PEBP4: variants seen among roughly 807,000 people sequenced by gnomAD.
The protein encoded by PEBP4 is phosphatidylethanolamine-binding protein 4.
A neutral mutation model predicts 23.9 loss-of-function variants in PEBP4; 22 were observed. That is an observed-to-expected ratio of 0.92 (90% confidence interval 0.66 to 1.31). The LOEUF is 1.31. PEBP4 is among the 40% of genes most tolerant of loss of function. The pLI, the probability that PEBP4 is intolerant of heterozygous loss-of-function variation, is 0.00. For missense variants in PEBP4, 324 were observed against 281.7 expected (o/e 1.15, Z -1.07); for synonymous variants, 112 against 99.3 (o/e 1.13, Z -0.76).
At chr8:22,737,961 A>T (rs1804905697) in intron 4 of PEBP4, among the ~76,000 whole-genome samples, 1 of 152,036 alleles carries the variant, frequency 6.6e-6, no homozygotes, top group South Asian at 2.1e-4. Context: ...TAGACGGCGT[A>T]GGGGCTGAGG....
At chr8:22,927,349 C>T (rs948092359) in intron 2 of PEBP4, among the ~76,000 whole-genome samples, 1 of 152,154 alleles carries the variant, frequency 6.6e-6, no homozygotes, top group African/African-American at 2.4e-5. Context: ...ACCACATACA[C>T]AGCCCTCCTG....
chr8:22,934,713 T>C (rs1007026058), intron 1 of PEBP4, among the ~76,000 whole-genome samples: 2 of 152,132 alleles, frequency 1.3e-5, no homozygotes, highest in Admixed American at 1.3e-4. Flanking sequence ...AGCTAAAACA[T>C]ACAGAAAACA....
intron 4 of PEBP4, among the ~76,000 whole-genome samples, chr8:22,733,100 C>T (rs1804773158): frequency 6.6e-6 from 1 of 152,230 alleles, no homozygotes; most frequent in African/African-American, 2.4e-5. Flanking sequence ...TCCAGGCAAC[C>T]ATCCAACTGG....
At chr8:22,825,445 CAT>C (rs1353177746) in intron 3 of PEBP4, among the ~76,000 whole-genome samples, 1 of 152,338 alleles carries the variant, frequency 6.6e-6, no homozygotes, top group East Asian at 1.9e-4. Context: ...ATACTTGCCA[CAT>C]GTTTTCTTGC....
intron 4 of PEBP4, among the ~76,000 whole-genome samples, chr8:22,790,492 T>A (rs537898831): frequency 1.3e-5 from 2 of 152,052 alleles, no homozygotes; most frequent in South Asian, 4.1e-4. Flanking sequence ...GAGGAAGACA[T>A]CCCAGACAAG....
chr8:22,912,716 C>T (rs1808968476), intron 3 of PEBP4, among the ~76,000 whole-genome samples: 1 of 152,216 alleles, frequency 6.6e-6, no homozygotes, highest in South Asian at 2.1e-4. Flanking sequence ...GTTAGAAATG[C>T]TGACAATCCT....
intron 3 of PEBP4, among the ~76,000 whole-genome samples, chr8:22,840,668 T>C (rs78271159): frequency 7.9e-5 from 12 of 152,170 alleles, no homozygotes; most frequent in African/African-American, 2.7e-4. Flanking sequence ...GTTGGAAGAA[T>C]GTGGGGAAAA....
chr8:22,780,875 C>T (rs1027513461), intron 4 of PEBP4, among the ~76,000 whole-genome samples: 3 of 152,222 alleles, frequency 2.0e-5, no homozygotes, highest in African/African-American at 4.8e-5. Context: ...AGTGCTCCCA[C>T]GTGTTGCCCT....
chr8:22,912,137 G>C (rs1162534636), intron 3 of PEBP4, among the ~76,000 whole-genome samples: 1 of 152,222 alleles, frequency 6.6e-6, no homozygotes, highest in Non-Finnish European at 1.5e-5. Flanking sequence ...AGCCCTGGGA[G>C]TGAAGATTAA....
In PEBP4 at chr8:22,898,421, A is replaced by C. The variant is rs7820285; in HGVS notation, c.258+21763T>G. On this transcript the variant is annotated intron_variant, in intron 3 of 6. Transcript: ENST00000256404. ...AAAAAAAAAAAAAAAAAAAAAAAAA[A>C]AAAAAAAAAACCCACCCAGTCTATG... is the stretch of plus-strand genomic sequence containing the variant. Among the ~76,000 whole-genome samples the C allele has an allele frequency of 6.8e-4, 92 of 136,090 alleles. 3 individuals are homozygous for C. The highest frequency in any genetic ancestry group is 1.1e-3 in the African/African-American group (40 of 35,580). 89.3% of individuals were successfully genotyped at this position (136,090 alleles called of 152,430 possible).
chr8:22,742,431 G>A (rs1200217832), intron 4 of PEBP4, among the ~76,000 whole-genome samples: 2 of 152,194 alleles, frequency 1.3e-5, no homozygotes, highest in East Asian at 3.9e-4. Context: ...GCCCCCATCG[G>A]CCTGTGGTCC....
chr8:22,916,372 TC>T (rs1475670514), intron 3 of PEBP4, among the ~76,000 whole-genome samples: 4 of 152,148 alleles, frequency 2.6e-5, no homozygotes, highest in African/African-American at 9.7e-5. Flanking sequence ...TCCTCTTACT[TC>T]CACACCTCTC....
intron 3 of PEBP4, among the ~76,000 whole-genome samples, chr8:22,894,587 A>G (rs533333358): frequency 6.6e-6 from 1 of 152,234 alleles, no homozygotes. Flanking sequence ...GTCTCTAAAA[A>G]TAAAATAAAA....
At chr8:22,849,496 T>A (rs1184953236) in intron 3 of PEBP4, among the ~76,000 whole-genome samples, 1 of 152,138 alleles carries the variant, frequency 6.6e-6, no homozygotes, top group Non-Finnish European at 1.5e-5. Flanking sequence ...GCAGCCTTGG[T>A]TGAATCTGTG....
At chr8:22,878,492 C>T (rs1056615458) in intron 3 of PEBP4, among the ~76,000 whole-genome samples, 36 of 152,328 alleles carry the variant, frequency 2.4e-4, no homozygotes, top group Admixed American at 7.2e-4. Flanking sequence ...GTCAGTTTAC[C>T]TGACACACCA....
chr8:22,791,033 C>G (rs988253165), intron 4 of PEBP4, among the ~76,000 whole-genome samples: 1 of 152,156 alleles, frequency 6.6e-6, no homozygotes, highest in African/African-American at 2.4e-5. Flanking sequence ...AGCCACTACC[C>G]TTTGATAGGC....
At chr8:22,883,617 C>A (rs1435804488) in intron 3 of PEBP4, among the ~76,000 whole-genome samples, 1 of 152,168 alleles carries the variant, frequency 6.6e-6, no homozygotes, top group Non-Finnish European at 1.5e-5. Flanking sequence ...CGTCTTGAAC[C>A]TTGCGTGGTG....
intron 3 of PEBP4, among the ~76,000 whole-genome samples, chr8:22,829,373 C>T (rs1025032073): frequency 2.6e-5 from 4 of 152,166 alleles, no homozygotes; most frequent in Admixed American, 2.0e-4. Flanking sequence ...CATGACTTTC[C>T]AATATTTCAA....
intron 4 of PEBP4, among the ~76,000 whole-genome samples, chr8:22,750,078 T>A (rs1467360230): frequency 6.6e-6 from 1 of 152,080 alleles, no homozygotes; most frequent in Non-Finnish European, 1.5e-5. Context: ...AGTGCTGGGA[T>A]TACAGGCGTG....
Sources: gnomAD v4.1 joint callset for allele counts (sites outside exome capture counted in the v4.1 genomes callset) on GRCh38, gnomAD v4.1.1 for gene constraint, MANE v1.5 for transcripts, NCBI Gene and HGNC (gene_info 2026-07-23, HGNC 2026-07-21) for gene names.